Variants in LRRC4C observed in about 807,000 individuals in gnomAD.
LRRC4C encodes leucine-rich repeat-containing protein 4C.
A neutral mutation model predicts 33.6 loss-of-function variants in LRRC4C; 5 were observed. The observed-to-expected ratio is 0.15, with a 90% confidence interval of 0.08 to 0.31. LRRC4C has a LOEUF of 0.31. Ranked by LOEUF, LRRC4C falls within the 10% of genes least tolerant of loss-of-function variation. The pLI, the probability that LRRC4C is intolerant of heterozygous loss-of-function variation, is 1.00. For missense variants in LRRC4C, 560 were observed against 796.7 expected, an observed-to-expected ratio of 0.70 and a Z score of 3.58; for synonymous variants, 329 against 302.0, an observed-to-expected ratio of 1.09 and a Z score of -0.93.
chr11:41,036,664 G>A (rs1214170815), intron 1 of LRRC4C, among the ~76,000 whole-genome samples: 2 of 152,090 alleles, frequency 1.3e-5, no homozygotes, highest in Non-Finnish European at 1.5e-5. Context: ...TTTTTAAACA[G>A]GTAAAATCAT....
chr11:40,983,464 T>G (rs1852685492), intron 1 of LRRC4C, among the ~76,000 whole-genome samples: 1 of 152,208 alleles, frequency 6.6e-6, no homozygotes, highest in Non-Finnish European at 1.5e-5. Context: ...GGCAAAGATT[T>G]CTGGATGAAG....
In LRRC4C at chr11:41,074,430, G is replaced by C. The variant is rs1027877549; in HGVS notation, c.-495-140707C>G. On this transcript the variant is annotated intron_variant, in intron 1 of 6. Coordinates refer to ENST00000528697, the MANE Select transcript of LRRC4C (RefSeq NM_001258419.2). ...TTAGATTTTTCATATGAAAATAAAG[G>C]CTCCCAATTATTGCTCATCAGCATT... Among the ~76,000 whole-genome samples, 6 of 152,162 alleles carry C rather than the reference G, an allele frequency of 3.9e-5. No homozygotes were observed. In the East Asian group the frequency reaches 5.8e-4, roughly 15 times the overall value.
At chr11:41,416,043 A>T (rs1438061353) in intron 1 of LRRC4C, among the ~76,000 whole-genome samples, 9 of 151,964 alleles carry the variant, frequency 5.9e-5, no homozygotes, top group Non-Finnish European at 1.2e-4. Flanking sequence ...CTGGGGCTCC[A>T]GGTCTAGGTT....
intron 1 of LRRC4C, among the ~76,000 whole-genome samples, chr11:41,358,155 T>C (rs1459340770): frequency 1.3e-5 from 2 of 151,862 alleles, no homozygotes; most frequent in Non-Finnish European, 1.5e-5. Flanking sequence ...AAGGAGAAAA[T>C]ACAGCTTTTT....
intron 2 of LRRC4C, among the ~76,000 whole-genome samples, chr11:40,658,030 G>A (rs1407109668): frequency 6.6e-6 from 1 of 152,188 alleles, no homozygotes; most frequent in Admixed American, 6.5e-5. Context: ...CCCAATCTCT[G>A]TAGTCTTTCC....
intron 3 of LRRC4C, among the ~76,000 whole-genome samples, chr11:40,409,587 C>T (rs189824735): frequency 8.8e-4 from 133 of 151,992 alleles, no homozygotes; most frequent in African/African-American, 3.1e-3. Context: ...GACAAAGGAC[C>T]TGAATAGATG....
intron 4 of LRRC4C, among the ~76,000 whole-genome samples, chr11:40,300,053 C>T (rs900650558): frequency 1.3e-5 from 2 of 152,072 alleles, no homozygotes; most frequent in African/African-American, 2.4e-5. Flanking sequence ...CCTCAGGGAG[C>T]TTCTACTCAT....
At chr11:40,596,088 G>C (rs373450851) in intron 3 of LRRC4C, among the ~76,000 whole-genome samples, 1 of 152,086 alleles carries the variant, frequency 6.6e-6, no homozygotes, top group African/African-American at 2.4e-5. Context: ...ATTGATATAG[G>C]AAAAAGGCAA....
At chr11:40,298,365 C>A (rs974143099) in intron 4 of LRRC4C, among the ~76,000 whole-genome samples, 3 of 151,040 alleles carry the variant, frequency 2.0e-5, no homozygotes, top group African/African-American at 7.3e-5. Flanking sequence ...TCTTTTTGAT[C>A]TAGTGGCTGA....
At chr11:40,841,381 A>C (rs1248197286) in intron 2 of LRRC4C, among the ~76,000 whole-genome samples, 1 of 152,134 alleles carries the variant, frequency 6.6e-6, no homozygotes, top group African/African-American at 2.4e-5. Flanking sequence ...ACCAATTCAT[A>C]TGTTGAAGCC....
At chr11:40,171,041 A>T (rs1860005740) in intron 5 of LRRC4C, among the ~76,000 whole-genome samples, 1 of 152,188 alleles carries the variant, frequency 6.6e-6, no homozygotes, top group Non-Finnish European at 1.5e-5. Context: ...TCCTAAAACC[A>T]ATTTTGGAAA....
At chr11:40,794,542 T>G (rs1398943086) in intron 2 of LRRC4C, among the ~76,000 whole-genome samples, 9 of 152,162 alleles carry the variant, frequency 5.9e-5, no homozygotes, top group Non-Finnish European at 1.2e-4. Context: ...GAAATATCCT[T>G]TCCTTGGATA....
At chr11:41,063,814 G>A (rs1565348552) in intron 1 of LRRC4C, among the ~76,000 whole-genome samples, 1 of 152,192 alleles carries the variant, frequency 6.6e-6, no homozygotes, top group Non-Finnish European at 1.5e-5. Flanking sequence ...AGCATGACCA[G>A]AGTTGCATTA....
intron 1 of LRRC4C, among the ~76,000 whole-genome samples, chr11:41,063,260 A>C (rs1193846238): frequency 6.6e-6 from 1 of 152,210 alleles, no homozygotes; most frequent in African/African-American, 2.4e-5. Context: ...TAGTATTACC[A>C]GACATTGTTC....
intron 1 of LRRC4C, among the ~76,000 whole-genome samples, chr11:41,410,031 T>G (rs1416515152): frequency 6.6e-6 from 1 of 152,230 alleles, no homozygotes; most frequent in African/African-American, 2.4e-5. Context: ...TGCCCAATAG[T>G]GTTTTAAAGT....
At chr11:40,240,488 C>T (rs1166730257) in intron 5 of LRRC4C, among the ~76,000 whole-genome samples, 3 of 152,144 alleles carry the variant, frequency 2.0e-5, no homozygotes, top group Non-Finnish European at 4.4e-5. Context: ...TCCTATCTTA[C>T]TCTTGAATCT....
At chr11:40,442,843 G>A (rs1951456291) in intron 3 of LRRC4C, among the ~76,000 whole-genome samples, 1 of 151,984 alleles carries the variant, frequency 6.6e-6, no homozygotes, top group African/African-American at 2.4e-5. Context: ...AATGAGAGGG[G>A]GTTAGATGAC....
At chr11:41,013,419 T>C (rs1590236574) in intron 1 of LRRC4C, among the ~76,000 whole-genome samples, 1 of 152,216 alleles carries the variant, frequency 6.6e-6, no homozygotes, top group African/African-American at 2.4e-5. Context: ...CTTTCTGTTC[T>C]CCCAATTATT....
chr11:41,289,646 C>T (rs536454711), intron 1 of LRRC4C, among the ~76,000 whole-genome samples: 34 of 152,232 alleles, frequency 2.2e-4, no homozygotes, highest in South Asian at 8.3e-4. Context: ...AGGCCTCACC[C>T]GAAACCAACC....
Sources: allele counts gnomAD v4.1 joint callset (sites outside exome capture counted in the v4.1 genomes callset), GRCh38; gene constraint gnomAD v4.1.1; transcripts MANE v1.5; gene names NCBI Gene and HGNC (gene_info 2026-07-23, HGNC 2026-07-21).